Variants in C2orf76 observed in about 807,000 individuals in gnomAD.
The protein encoded by C2orf76 is UPF0538 protein C2orf76.
Under a neutral mutation model 16.9 loss-of-function variants are expected in C2orf76, and 23 were observed. The ratio of observed to expected loss-of-function variants is 1.36; its 90% CI spans 0.98 to 1.93. The LOEUF (loss-of-function observed/expected upper bound fraction) is 1.93. Ranked by LOEUF, C2orf76 falls within the 30% of genes most tolerant of loss-of-function variation. The pLI is 0.00. For synonymous variants in C2orf76, 48 were observed against 52.3 expected (o/e 0.92, Z 0.35); for missense variants, 152 against 152.6 (o/e 1.00, Z 0.02).
intron 1 of C2orf76, among the ~76,000 whole-genome samples, chr2:119,352,410 G>A (rs1044156144): frequency 2.0e-5 from 3 of 152,178 alleles, no homozygotes; most frequent in African/African-American, 7.2e-5. Flanking sequence ...GTAATGAACT[G>A]CACCCTATCT....
the C2orf76 span, among the ~76,000 whole-genome samples, chr2:119,281,549 CAG>C: frequency 5.9e-5 from 9 of 151,994 alleles, no homozygotes; most frequent in African/African-American, 1.9e-4. Flanking sequence ...ATGAGAATGA[CAG>C]AGAGAGAAAA....
chr2:119,362,938 G>A (rs756623662), intron 1 of C2orf76, among the ~76,000 whole-genome samples: 2 of 152,052 alleles, frequency 1.3e-5, no homozygotes, highest in Non-Finnish European at 1.5e-5. Context: ...AGGAAGGAGA[G>A]GGTAGGAATG....
chr2:119,281,484 G>A, the C2orf76 span, among the ~76,000 whole-genome samples: 2 of 151,714 alleles, frequency 1.3e-5, no homozygotes, highest in African/African-American at 4.9e-5. Flanking sequence ...CTCCAGCCTG[G>A]GGTGACAGAG....
At chr2:119,304,934 C>T (rs1003236679) in intron 5 of C2orf76, among the ~76,000 whole-genome samples, 2 of 152,102 alleles carry the variant, frequency 1.3e-5, no homozygotes, top group African/African-American at 4.8e-5. Context: ...TTCCTGCTTC[C>T]CAAATACTAT....
intron 1 of C2orf76, among the ~76,000 whole-genome samples, chr2:119,345,256 A>G (rs1680161674): frequency 6.6e-6 from 1 of 152,236 alleles, no homozygotes; most frequent in Non-Finnish European, 1.5e-5. Context: ...ATGTGAAAAG[A>G]TCAGCTTTAC....
At chr2:119,366,681 G>A in intron 1 of C2orf76, 109 bp downstream of exon 1, 2 of 466,236 alleles carry the variant, frequency 4.3e-6, no homozygotes, top group Middle Eastern at 6.2e-4. Context: ...TTCGGTCTCC[G>A]TCCCCTCCCC....
chr2:119,294,169 G>C, the C2orf76 span, among the ~76,000 whole-genome samples: 1 of 152,164 alleles, frequency 6.6e-6, no homozygotes, highest in Non-Finnish European at 1.5e-5. Flanking sequence ...ATGGGGAGGA[G>C]TGACCAGTGA....
chr2:119,295,595 C>T, the C2orf76 span, among the ~76,000 whole-genome samples: 1 of 152,040 alleles, frequency 6.6e-6, no homozygotes, highest in Non-Finnish European at 1.5e-5. Context: ...CTGCTTTGAT[C>T]GACCAGATTT....
chr2:119,307,856 C>G (rs1186617744), intron 5 of C2orf76, among the ~76,000 whole-genome samples: 1 of 152,188 alleles, frequency 6.6e-6, no homozygotes. Context: ...ACCAACAACT[C>G]AATATTTTAG....
chr2:119,348,752 T>C (rs1179761067), intron 1 of C2orf76, among the ~76,000 whole-genome samples: 1 of 151,782 alleles, frequency 6.6e-6, no homozygotes, highest in East Asian at 1.9e-4. Flanking sequence ...GCCAGCACTT[T>C]GGAAGCCCAA....
downstream of C2orf76, among the ~76,000 whole-genome samples, chr2:119,301,016 C>G (rs1678611617): frequency 6.6e-6 from 1 of 151,716 alleles, no homozygotes; most frequent in African/African-American, 2.4e-5. Flanking sequence ...CCCTTCTTTT[C>G]TTCTAAGCAA....
chr2:119,366,880 G>C (rs1420622580), upstream of C2orf76: 1 of 844,336 alleles, frequency 1.2e-6, no homozygotes, highest in Non-Finnish European at 1.8e-6. Flanking sequence ...GCGGGGGCTG[G>C]GCACGCCCCT....
At chr2:119,291,585 G>C in the C2orf76 span, among the ~76,000 whole-genome samples, 1 of 151,924 alleles carries the variant, frequency 6.6e-6, no homozygotes, top group Admixed American at 6.6e-5. Context: ...GGAAGAGAAG[G>C]TTCTTGGAAA....
the C2orf76 span, among the ~76,000 whole-genome samples, chr2:119,288,252 G>T: frequency 6.6e-6 from 1 of 151,308 alleles, no homozygotes; most frequent in African/African-American, 2.4e-5. Flanking sequence ...CGCCTTCCGG[G>T]TTCCCGCCAT....
chr2:119,362,477 G>T (rs550761769), intron 1 of C2orf76, among the ~76,000 whole-genome samples: 2 of 152,294 alleles, frequency 1.3e-5, no homozygotes, highest in Middle Eastern at 3.4e-3. Context: ...TTTCCAGGTG[G>T]TTTGTCATGT....
chr2:119,284,564 A>G, the C2orf76 span, among the ~76,000 whole-genome samples: 2 of 151,708 alleles, frequency 1.3e-5, no homozygotes, highest in South Asian at 4.2e-4. Flanking sequence ...AATTACCTCC[A>G]CCCCAAAAAT....
chr2:119,306,623 TA>T (rs112523649), intron 5 of C2orf76, among the ~76,000 whole-genome samples: 1,992 of 147,048 alleles, frequency 0.014, 47 homozygotes, highest in African/African-American at 0.046. Context: ...AAATAACACT[TA>T]AAAAAAAAAG....
intron 2 of C2orf76, among the ~76,000 whole-genome samples, chr2:119,325,763 G>A (rs1316943858): frequency 2.6e-5 from 4 of 152,168 alleles, no homozygotes; most frequent in Admixed American, 1.3e-4. Flanking sequence ...CATTCTTATG[G>A]ATGTGTTGTG....
At chr2:119,303,592 T>C (rs1678684000) in intron 5 of C2orf76, among the ~76,000 whole-genome samples, 1 of 152,258 alleles carries the variant, frequency 6.6e-6, no homozygotes. Context: ...ACCACTCGTC[T>C]CTTAGTTTAC....
Sources: allele counts gnomAD v4.1 joint callset (sites outside exome capture counted in the v4.1 genomes callset), GRCh38; gene constraint gnomAD v4.1.1; transcripts MANE v1.5; gene names NCBI Gene and HGNC (gene_info 2026-07-23, HGNC 2026-07-21).